The following WWOX variants were observed in gnomAD, a reference collection of about 807,000 sequenced individuals.
WWOX encodes WW domain-containing oxidoreductase.
WWOX carries 69 observed loss-of-function variants against 46.2 expected under a neutral mutation model. The ratio of observed to expected loss-of-function variants is 1.49; its 90% CI spans 1.23 to 1.82. The LOEUF is 1.82. Among genes scored for constraint, WWOX ranks in the 40% most tolerant of loss-of-function variants. The pLI is 0.00. For synonymous variants in WWOX, 359 were observed against 202.6 expected (o/e 1.77, Z -6.56); for missense variants, 919 against 542.6 (o/e 1.69, Z -6.89).
In WWOX at chr16:79,140,883, C is replaced by G. The variant is rs551817415; in HGVS notation, c.1057-70725C>G. On this transcript the variant is annotated intron_variant, in intron 8 of 8. Transcript: ENST00000566780. ...CGTACGTCAGTTTCACACCTCTGTT[C>G]TGCATGTCTCTGTTGGGAAGGATGC... Among the ~76,000 whole-genome samples, 9 of 152,284 alleles carry G rather than the reference C, an allele frequency of 5.9e-5. No individual in the cohort carries two copies. The South Asian group carries it at 1.5e-3, about 25-fold the overall frequency.
chr16:78,646,658 C>A (rs1434308884), intron 8 of WWOX, among the ~76,000 whole-genome samples: 1 of 152,190 alleles, frequency 6.6e-6, no homozygotes, highest in Admixed American at 6.5e-5. Context: ...AAACTCCTGA[C>A]CTCAGGTGAT....
chr16:78,227,708 C>G (rs746943622), intron 5 of WWOX, among the ~76,000 whole-genome samples: 7 of 151,994 alleles, frequency 4.6e-5, no homozygotes, highest in African/African-American at 9.7e-5. Context: ...GAAACCCTGT[C>G]TCTACTAAAA....
chr16:78,847,322 CTG>C (rs2052325377), intron 8 of WWOX, among the ~76,000 whole-genome samples: 1 of 152,096 alleles, frequency 6.6e-6, no homozygotes. Context: ...TCCTGTATCT[CTG>C]TGTATATTAT....
intron 5 of WWOX, among the ~76,000 whole-genome samples, chr16:78,316,040 G>A (rs1171827104): frequency 1.3e-5 from 2 of 151,990 alleles, no homozygotes; most frequent in Non-Finnish European, 2.9e-5. Context: ...GAGGTCAGGA[G>A]TTTAAGATTA....
chr16:78,118,924 A>G (rs2032952791), intron 4 of WWOX: 1 of 151,648 alleles, frequency 6.6e-6, no homozygotes, highest in Non-Finnish European at 1.5e-5. Flanking sequence ...AGAAACTAAC[A>G]CTCTTCTCTC....
At chr16:78,530,320 T>C (rs2043591697) in intron 8 of WWOX, among the ~76,000 whole-genome samples, 1 of 152,196 alleles carries the variant, frequency 6.6e-6, no homozygotes, top group African/African-American at 2.4e-5. Context: ...TCTTGTCCAG[T>C]GTCCAGGAGG....
chr16:78,911,521 T>C (rs989264850), intron 8 of WWOX, among the ~76,000 whole-genome samples: 1 of 149,686 alleles, frequency 6.7e-6, no homozygotes, highest in African/African-American at 2.4e-5. Context: ...ATTCTTTTGG[T>C]AATTGAATGA....
At chr16:78,332,610 G>T (rs1032625013) in intron 5 of WWOX, among the ~76,000 whole-genome samples, 17 of 152,158 alleles carry the variant, frequency 1.1e-4, no homozygotes, top group African/African-American at 3.6e-4. Context: ...CAGGTAAACT[G>T]ATTTTTTGGG....
intron 6 of WWOX, among the ~76,000 whole-genome samples, chr16:78,415,701 A>C (rs561009131): frequency 6.6e-6 from 1 of 152,334 alleles, no homozygotes; most frequent in Admixed American, 6.5e-5. Context: ...GGGTTAAAAA[A>C]GGGAAGGAGC....
At chr16:79,066,331 CTTGT>C (rs2048440798) in intron 8 of WWOX, among the ~76,000 whole-genome samples, 1 of 152,172 alleles carries the variant, frequency 6.6e-6, no homozygotes, top group African/African-American at 2.4e-5. Context: ...TACTCATGTA[CTTGT>C]TTATTATCTG....
intron 8 of WWOX, among the ~76,000 whole-genome samples, chr16:79,089,749 C>T (rs572346563): frequency 6.6e-6 from 1 of 152,056 alleles, no homozygotes; most frequent in African/African-American, 2.4e-5. Flanking sequence ...TATTAGTTGC[C>T]CAGACCTTGC....
chr16:78,182,866 G>C (rs1176134231), intron 5 of WWOX, among the ~76,000 whole-genome samples: 2 of 150,998 alleles, frequency 1.3e-5, no homozygotes, highest in African/African-American at 4.9e-5. Flanking sequence ...CAGGAGAATG[G>C]CATGAACCTG....
At chr16:78,792,781 G>A (rs2050638604) in intron 8 of WWOX, among the ~76,000 whole-genome samples, 1 of 152,156 alleles carries the variant, frequency 6.6e-6, no homozygotes, top group Admixed American at 6.5e-5. Flanking sequence ...GGAAAGCCAA[G>A]GAAGGCCAGG....
intron 8 of WWOX, among the ~76,000 whole-genome samples, chr16:78,992,215 A>G (rs2046901469): frequency 6.6e-6 from 1 of 152,154 alleles, no homozygotes; most frequent in Non-Finnish European, 1.5e-5. Context: ...CTATTCTTCT[A>G]GGCTTTGTGG....
rs547406951 is a variant in WWOX at position 78,894,774 on chromosome 16, G to A, written c.1057-316834G>A. The stretch of plus-strand genomic sequence containing the variant: ...GACGGGACTAAAATCATGCCTTGAA[G>A]ATGTTTATCATATGAAGTTGACCTT... On this transcript the variant is annotated intron_variant, in intron 8 of 8. Transcript: ENST00000566780. Among the ~76,000 whole-genome samples the A allele has an allele frequency of 1.6e-3, 248 of 152,206 alleles. 1 individual carries two copies. Among genetic ancestry groups the A allele is most frequent in the Middle Eastern group, 0.014 (4 of 294 alleles).
intron 8 of WWOX, among the ~76,000 whole-genome samples, chr16:78,466,293 A>C (rs2084076740): frequency 6.6e-6 from 1 of 152,084 alleles, no homozygotes; most frequent in Admixed American, 6.5e-5. Context: ...GGCCTCCCAA[A>C]GTGCTGGGAT....
At chr16:78,563,509 A>G (rs1166696314) in intron 8 of WWOX, among the ~76,000 whole-genome samples, 1 of 141,514 alleles carries the variant, frequency 7.1e-6, no homozygotes, top group Non-Finnish European at 1.5e-5. Context: ...ACACACACAC[A>G]CACACACGCT....
chr16:78,877,757 G>C (rs1447197432), intron 8 of WWOX, among the ~76,000 whole-genome samples: 1 of 152,146 alleles, frequency 6.6e-6, no homozygotes. Context: ...TTAGCACGTG[G>C]AAGACAATAT....
At chr16:78,673,751 T>G (rs1355519791) in intron 8 of WWOX, among the ~76,000 whole-genome samples, 3 of 152,358 alleles carry the variant, frequency 2.0e-5, no homozygotes, top group South Asian at 4.1e-4. Flanking sequence ...CTCCACTTCC[T>G]TAATTATCCA....
Sources: allele counts gnomAD v4.1 joint callset (sites outside exome capture counted in the v4.1 genomes callset), GRCh38; gene constraint gnomAD v4.1.1; transcripts MANE v1.5; gene names NCBI Gene and HGNC (gene_info 2026-07-23, HGNC 2026-07-21).